CLSTN2: variants seen among roughly 807,000 people sequenced by gnomAD.
CLSTN2 encodes the protein calsyntenin 2, also known as calsyntenin-2.
In CLSTN2, 48 loss-of-function variants were observed where a neutral mutation model predicts 101.2. The ratio of observed to expected loss-of-function variants is 0.47; its 90% CI spans 0.38 to 0.60. CLSTN2 has a LOEUF of 0.60. CLSTN2 is among the 20% of genes least tolerant of loss of function. The pLI is 0.00. For synonymous variants in CLSTN2, 481 were observed against 463.6 expected (o/e 1.04, Z -0.48); for missense variants, 1,160 against 1,238.2 (o/e 0.94, Z 0.95).
chr3:140,374,706 C>G (rs1166021024), intron 2 of CLSTN2, among the ~76,000 whole-genome samples: 1 of 152,194 alleles, frequency 6.6e-6, no homozygotes, highest in Non-Finnish European at 1.5e-5. Flanking sequence ...GATCCTGTAG[C>G]TCTTAAATAA....
intron 4 of CLSTN2, among the ~76,000 whole-genome samples, chr3:140,405,348 C>T (rs2107979896): frequency 6.6e-6 from 1 of 152,250 alleles, no homozygotes; most frequent in Non-Finnish European, 1.5e-5. Flanking sequence ...CTGCCTCAGC[C>T]TCCCGAGGAG....
intron 2 of CLSTN2, among the ~76,000 whole-genome samples, chr3:140,245,024 C>G (rs1199937916): frequency 6.6e-6 from 1 of 152,174 alleles, no homozygotes; most frequent in Non-Finnish European, 1.5e-5. Flanking sequence ...AACTTGCCTC[C>G]CTCATACCAC....
At chr3:139,983,713 A>G (rs1935974035) in intron 1 of CLSTN2, among the ~76,000 whole-genome samples, 6 of 152,198 alleles carry the variant, frequency 3.9e-5, no homozygotes, top group African/African-American at 1.4e-4. Flanking sequence ...AAACTATGTA[A>G]TAATTTACTA....
At chr3:139,950,355 C>T (rs1227449576) in intron 1 of CLSTN2, among the ~76,000 whole-genome samples, 1 of 152,180 alleles carries the variant, frequency 6.6e-6, no homozygotes, top group Non-Finnish European at 1.5e-5. Context: ...AGCTAGGTTG[C>T]TAACAGCCCT....
At chr3:139,939,836 C>T (rs1179891421) in intron 1 of CLSTN2, among the ~76,000 whole-genome samples, 4 of 152,086 alleles carry the variant, frequency 2.6e-5, no homozygotes, top group Non-Finnish European at 4.4e-5. Context: ...GCACAAATGC[C>T]AAAAAGCCCT....
At chr3:140,060,298 T>C (rs1020420816) in intron 1 of CLSTN2, among the ~76,000 whole-genome samples, 10 of 152,044 alleles carry the variant, frequency 6.6e-5, no homozygotes, top group African/African-American at 2.4e-4. Flanking sequence ...GTGATATCAG[T>C]AGGGAAGAAA....
At chr3:140,509,504 G>A (rs1934762868) in intron 8 of CLSTN2, among the ~76,000 whole-genome samples, 2 of 152,194 alleles carry the variant, frequency 1.3e-5, no homozygotes, top group African/African-American at 4.8e-5. Context: ...AAAGAAGCCT[G>A]ATGGACTGTT....
intron 1 of CLSTN2, among the ~76,000 whole-genome samples, chr3:140,117,169 A>G (rs1198636661): frequency 6.6e-6 from 1 of 152,076 alleles, no homozygotes; most frequent in Non-Finnish European, 1.5e-5. Flanking sequence ...CAGGGCAGTT[A>G]GCATTCCTCT....
intron 2 of CLSTN2, among the ~76,000 whole-genome samples, chr3:140,244,263 G>C (rs915986178): frequency 2.0e-5 from 3 of 152,182 alleles, no homozygotes; most frequent in Non-Finnish European, 4.4e-5. Context: ...TGCAGAGAGG[G>C]GTTACCTGAT....
At chr3:140,143,060 G>T (rs1294908317) in intron 1 of CLSTN2, among the ~76,000 whole-genome samples, 1 of 152,144 alleles carries the variant, frequency 6.6e-6, no homozygotes, top group African/African-American at 2.4e-5. Flanking sequence ...TCACGACAGG[G>T]TTGTTGGCTG....
intron 1 of CLSTN2, among the ~76,000 whole-genome samples, chr3:139,970,987 T>C (rs1052242313): frequency 1.3e-5 from 2 of 152,194 alleles, no homozygotes; most frequent in Non-Finnish European, 2.9e-5. Context: ...AACATTGCTT[T>C]TAATGGTGAC....
At chr3:140,102,419 C>T (rs1423052100) in intron 1 of CLSTN2, among the ~76,000 whole-genome samples, 1 of 152,206 alleles carries the variant, frequency 6.6e-6, no homozygotes, top group Non-Finnish European at 1.5e-5. Context: ...TGCCTTGGGT[C>T]TTCATAGTGA....
intron 4 of CLSTN2, among the ~76,000 whole-genome samples, chr3:140,414,439 A>G (rs2088403586): frequency 6.6e-6 from 1 of 152,092 alleles, no homozygotes. Context: ...TGGAAGAATC[A>G]ATATTGTTAA....
At position 140,405,352 on chromosome 3, in the gene CLSTN2, C is replaced by T. The variant is rs191000058; in HGVS notation, c.637+586C>T. ...AAGTTATTCTCCTGCCTCAGCCTCC[C>T]GAGGAGCTGGGATTACAAGCGTGCG... On this transcript the variant is annotated intron_variant, in intron 4 of 16. Coordinates refer to ENST00000458420, the MANE Select transcript of CLSTN2 (RefSeq NM_022131.3). Among the ~76,000 whole-genome samples the T allele has an allele frequency of 3.4e-3, 524 of 152,172 alleles. 2 individuals carry two copies. Among genetic ancestry groups the T allele is most frequent in the Non-Finnish European group, 4.1e-3 (281 of 68,010 alleles).
chr3:140,340,005 C>G (rs780375514), intron 2 of CLSTN2, among the ~76,000 whole-genome samples: 1 of 152,202 alleles, frequency 6.6e-6, no homozygotes, highest in East Asian at 1.9e-4. Context: ...CCCCAGTTTT[C>G]TCTCCTGAAA....
intron 1 of CLSTN2, among the ~76,000 whole-genome samples, chr3:139,968,555 A>G (rs1935642743): frequency 6.6e-6 from 1 of 152,212 alleles, no homozygotes; most frequent in South Asian, 2.1e-4. Flanking sequence ...ACAGAGTGAG[A>G]AGGCCCTCAC....
intron 10 of CLSTN2, among the ~76,000 whole-genome samples, chr3:140,546,978 ATTTG>A (rs907756260): frequency 2.0e-5 from 3 of 152,346 alleles, no homozygotes; most frequent in African/African-American, 7.2e-5. Flanking sequence ...GTTGTATTTC[ATTTG>A]TTTGTGCGTT....
intron 4 of CLSTN2, among the ~76,000 whole-genome samples, chr3:140,410,396 T>G (rs1377204541): frequency 7.2e-6 from 1 of 139,336 alleles, no homozygotes; most frequent in Admixed American, 7.7e-5. Context: ...ATATTTAAGA[T>G]GCTGAAATAA....
At position 140,573,696 on chromosome 3, in the gene CLSTN2, A is replaced by C. The variant is rs890996787; in HGVS notation, c.*7443A>C. ...TGGGGTGGAAGGACAGAAGAGTAGC[A>C]GTCTAGGAAAGGGACTAGACATGTA... On this transcript the variant is annotated 3_prime_UTR_variant, in exon 17 of 17. Transcript: ENST00000458420. 1 of 152,284 alleles carries C rather than the reference A, an allele frequency of 6.6e-6. No homozygotes were observed. The highest frequency in any genetic ancestry group is 1.5e-5 in the Non-Finnish European group (1 of 68,086). The allele number at this position is 152,284 out of a possible 1,614,324, so 9.4% of individuals were successfully genotyped here. A position where few individuals can be genotyped will look rare whatever the true frequency, so the allele number is the denominator to read the frequency against.
Sources: gnomAD v4.1 joint callset for allele counts (sites outside exome capture counted in the v4.1 genomes callset) on GRCh38, gnomAD v4.1.1 for gene constraint, MANE v1.5 for transcripts, NCBI Gene and HGNC (gene_info 2026-07-23, HGNC 2026-07-21) for gene names.